The following LEPROTL1 variants were observed in gnomAD, a reference collection of about 807,000 sequenced individuals.
LEPROTL1 encodes leptin receptor overlapping transcript-like 1.
Under a neutral mutation model 15.4 loss-of-function variants are expected in LEPROTL1, and 6 were observed. The ratio of observed to expected loss-of-function variants is 0.39; its 90% CI spans 0.21 to 0.77. LEPROTL1 has a LOEUF of 0.77. LEPROTL1 is among the 30% of genes least tolerant of loss of function. The probability of loss-of-function intolerance (pLI) is 0.41; values close to 1 mark genes in which losing one functional copy is unlikely to be tolerated. For synonymous variants in LEPROTL1, 56 were observed against 52.6 expected (o/e 1.06, Z -0.28); for missense variants, 128 against 158.1 (o/e 0.81, Z 1.02).
chr8:30,117,493 G>T, intron 3 of LEPROTL1: 1 of 1,434,712 alleles, frequency 7.0e-7, no homozygotes, highest in Non-Finnish European at 9.7e-7. Flanking sequence ...CTGAAGGGAT[G>T]GAAACAGATT....
At chr8:30,109,016 A>AC (rs1802615548), downstream of LEPROTL1, among the ~76,000 whole-genome samples, 1 of 131,662 alleles carries the variant, frequency 7.6e-6, no homozygotes, top group Non-Finnish European at 1.6e-5. Context: ...CACCACCACA[A>AC]CCCCCCTCAA....
At chr8:30,134,460 G>C (rs539893789) in intron 4 of LEPROTL1, among the ~76,000 whole-genome samples, 58 of 151,656 alleles carry the variant, frequency 3.8e-4, no homozygotes, top group Admixed American at 1.9e-3. Flanking sequence ...AAAAAACTTT[G>C]TCTTCCTTTA....
intron 3 of LEPROTL1, among the ~76,000 whole-genome samples, chr8:30,120,464 C>CAT (rs34434655): frequency 0.86 from 129,660 of 150,730 alleles, 56,756 homozygotes; most frequent in South Asian, 0.98. Context: ...TTTGTATATG[C>CAT]ATATATATAT....
rs1802573130 is a variant in LEPROTL1, at chr8:30,106,617, TTTA to T, written c.*761_*763del. The T allele has an allele frequency of 2.0e-6, 2 of 983,046 alleles. No homozygotes were observed. The highest frequency in any genetic ancestry group is 9.4e-5 in the South Asian group (2 of 21,222). The allele number at this position is 983,046 out of a possible 1,614,324, so 60.9% of individuals were successfully genotyped here. ...TTTTGAGATAAGGTTTTTATTTATG[TTTA>T]TTATTGTTAGAGTGAGTTGCAATGT... On this transcript the variant is annotated 3_prime_UTR_variant, in exon 4 of 4. Transcript: ENST00000321250.
At chr8:30,130,759 T>A (rs933320250) in intron 3 of LEPROTL1, among the ~76,000 whole-genome samples, 1 of 146,454 alleles carries the variant, frequency 6.8e-6, no homozygotes, top group African/African-American at 2.5e-5. Context: ...GGACAATTTT[T>A]TTTTCAAATT....
intron 3 of LEPROTL1, among the ~76,000 whole-genome samples, chr8:30,120,300 G>A (rs535740708): frequency 8.6e-5 from 13 of 151,996 alleles, no homozygotes; most frequent in African/African-American, 3.1e-4. Flanking sequence ...TAAAAGAACA[G>A]CATGGATCCA....
At chr8:30,131,999 T>C in intron 3 of LEPROTL1, 5 of 1,551,994 alleles carry the variant, frequency 3.2e-6, no homozygotes, top group Non-Finnish European at 2.6e-6. Flanking sequence ...CAGTACACCA[T>C]GGGAAAGACA....
chr8:30,130,869 C>G (rs1440496311), intron 3 of LEPROTL1, among the ~76,000 whole-genome samples: 2 of 143,112 alleles, frequency 1.4e-5, no homozygotes, highest in Non-Finnish European at 3.1e-5. Context: ...AACCTCCACA[C>G]CCTGGATTCA....
intron 3 of LEPROTL1, among the ~76,000 whole-genome samples, chr8:30,120,078 TAAATAAATAAA>T (rs769345564): frequency 1.7e-5 from 1 of 57,422 alleles, no homozygotes; most frequent in East Asian, 4.1e-4. Context: ...AATAAATAAA[TAAATAAATAAA>T]TAAATAAATA....
chr8:30,121,089 A>G (rs1802821910), intron 3 of LEPROTL1, among the ~76,000 whole-genome samples: 1 of 152,108 alleles, frequency 6.6e-6, no homozygotes. Flanking sequence ...GGACTGGTTG[A>G]TAAGCTGTAT....
chr8:30,110,386 C>T (rs142399499), downstream of LEPROTL1, among the ~76,000 whole-genome samples: 1,719 of 151,938 alleles, frequency 0.011, 37 homozygotes, highest in African/African-American at 0.039. Context: ...TGTGCGTGCG[C>T]GCGTGTGTGT....
intron 1 of LEPROTL1, among the ~76,000 whole-genome samples, chr8:30,100,594 C>T (rs1326632886): frequency 6.6e-6 from 1 of 152,166 alleles, no homozygotes; most frequent in Non-Finnish European, 1.5e-5. Flanking sequence ...GGACTACAGG[C>T]ATGTGCCACC....
chr8:30,129,491 G>A (rs1189390830), intron 3 of LEPROTL1, among the ~76,000 whole-genome samples: 2 of 152,094 alleles, frequency 1.3e-5, no homozygotes, highest in Non-Finnish European at 2.9e-5. Flanking sequence ...GATCACTTGA[G>A]GTCAGGAGTT....
intron 3 of LEPROTL1, among the ~76,000 whole-genome samples, chr8:30,119,354 A>G (rs1439844006): frequency 6.6e-6 from 1 of 152,220 alleles, no homozygotes; most frequent in Non-Finnish European, 1.5e-5. Flanking sequence ...ACGTAGACAC[A>G]GTAACAGTCT....
intron 3 of LEPROTL1, among the ~76,000 whole-genome samples, chr8:30,128,143 G>C (rs569585112): frequency 6.6e-6 from 1 of 152,102 alleles, no homozygotes; most frequent in African/African-American, 2.4e-5. Context: ...CAGACAGATG[G>C]CTCCAGTCTA....
At chr8:30,119,428 T>C (rs1179179593) in intron 3 of LEPROTL1, among the ~76,000 whole-genome samples, 1 of 152,214 alleles carries the variant, frequency 6.6e-6, no homozygotes, top group Non-Finnish European at 1.5e-5. Flanking sequence ...TCTCCCTGTG[T>C]CCTCACACAG....
At chr8:30,130,772 CAA>C (rs1259974060) in intron 3 of LEPROTL1, among the ~76,000 whole-genome samples, 1 of 127,926 alleles carries the variant, frequency 7.8e-6, no homozygotes, top group African/African-American at 2.7e-5. Context: ...TTCAAATTTT[CAA>C]AAAAAAATTT....
chr8:30,103,225 A>G (rs1432444622), intron 2 of LEPROTL1, among the ~76,000 whole-genome samples: 2 of 152,232 alleles, frequency 1.3e-5, no homozygotes. Flanking sequence ...AAGAGCTGTA[A>G]GTGCTAACAT....
intron 3 of LEPROTL1, among the ~76,000 whole-genome samples, chr8:30,128,426 C>A (rs1329918363): frequency 6.6e-6 from 1 of 151,998 alleles, no homozygotes; most frequent in Non-Finnish European, 1.5e-5. Context: ...CCTTCATGAG[C>A]ATTTCCCTCA....
Sources: allele counts gnomAD v4.1 joint callset (sites outside exome capture counted in the v4.1 genomes callset), GRCh38; gene constraint gnomAD v4.1.1; transcripts MANE v1.5; gene names NCBI Gene and HGNC (gene_info 2026-07-23, HGNC 2026-07-21).